The following NCCRP1 variants were observed in gnomAD, a reference collection of about 807,000 sequenced individuals.
NCCRP1 encodes the protein NCCRP1, F-box associated domain containing, also known as F-box only protein 50.
A neutral mutation model predicts 34.4 loss-of-function variants in NCCRP1; 32 were observed. The observed-to-expected ratio is 0.93, with a 90% CI of 0.70 to 1.25. The LOEUF (loss-of-function observed/expected upper bound fraction) is 1.25, where lower values mean the gene tolerates loss of function less well. NCCRP1 is among the 50% of genes most tolerant of loss of function. The pLI is 0.00. For missense variants in NCCRP1, 372 were observed against 391.8 expected (o/e 0.95, Z 0.43); for synonymous variants, 172 against 180.1 (o/e 0.95, Z 0.36).
rs1011855765 is a variant in NCCRP1 at position 39,200,560 on chromosome 19, A to T, written c.688-56A>T. ...CAAGACCTCACAGAGGGAGGAGAAC[A>T]GGTCCGCGGGTCCTCAAAAAGGGCT... On this transcript the variant is annotated intron_variant, in intron 5 of 5. Transcript: ENST00000339852. The surrounding 1 kb of genome is among the most constrained non-coding windows in gnomAD (Gnocchi z 5.8). 8 of 1,610,760 alleles carry T rather than the reference A, an allele frequency of 5.0e-6. No individual in the cohort carries two copies. Among genetic ancestry groups the T allele is most frequent in the South Asian group, 1.1e-5 (1 of 90,656 alleles).
Position 39,200,379 on chromosome 19 carries a change from T to C in NCCRP1, c.582T>C (p.Tyr194=), listed in dbSNP as rs1359954959. 6.2e-7 allele frequency: 1 copy of C among 1,613,720 alleles called. No individual in the cohort carries two copies. Among genetic ancestry groups the C allele is most frequent in the South Asian group, 1.1e-5 (1 of 91,080 alleles). The part of the protein sequence containing the change: ...FEDSRLDACV[Y]ELHVWLLAAD... ...ACAGCCGGCTGGATGCGTGCGTCTA[T>C]GAGCTGCATGTCTGGCTGCTGGCGG... Residue 194 remains tyrosine, a synonymous_variant, in exon 5 of 6, where the codon TAT becomes TAC. Transcript: ENST00000339852. This position sits in a 1 kb window ranked among gnomAD's most constrained non-coding sequence, Gnocchi z 5.8.
rs1166939298 is a variant in NCCRP1, at chr19:39,197,007, G to A, written c.25G>A (p.Ala9Thr). MEEVREGH[A>T]LGGGMEADGP... ...GATGGAGGAGGTGCGTGAGGGACAC[G>A]CGCTCGGTGGCGGGATGGAAGCCGA... Residue 9 changes from alanine to threonine, a missense_variant, in exon 1 of 6, where the codon GCG (alanine) becomes ACG (threonine). Ala to Thr is a moderately conservative substitution (Grantham distance 58). Coordinates refer to ENST00000339852, the MANE Select transcript of NCCRP1 (RefSeq NM_001001414.2). The A allele has an allele frequency of 2.0e-6, 3 of 1,535,812 alleles. No individual in the cohort carries two copies. The highest frequency in any genetic ancestry group is 2.6e-6 in the Non-Finnish European group (3 of 1,148,062).
intron 1 of NCCRP1, 144 bp downstream of exon 1, chr19:39,197,463 T>A: frequency 1.4e-6 from 1 of 725,346 alleles, no homozygotes; most frequent in Non-Finnish European, 2.0e-6. Context: ...TCTGTCATTG[T>A]GCCTCTCCAT....
chr19:39,199,509 C>CTTTTT (rs150534648), intron 4 of NCCRP1, among the ~76,000 whole-genome samples: 112 of 67,870 alleles, frequency 1.7e-3, no homozygotes, highest in Admixed American at 2.2e-3. Context: ...TTTTTTCTTT[C>CTTTTT]TTTTTTTTTT....
At position 39,199,275 on chromosome 19, in the gene NCCRP1, C is replaced by T. The variant is rs1357190007; in HGVS notation, c.548+10C>T. ...TTACGGTCATGGACTGGTGCGTGCC[C>T]CTCCCCTGCCAGCCTGACCCCGTGA... On this transcript the variant is annotated intron_variant, in intron 4 of 5. Coordinates refer to ENST00000339852, the MANE Select transcript of NCCRP1 (RefSeq NM_001001414.2). 6.2e-7 allele frequency: 1 copy of T among 1,612,258 alleles called. No individual in the cohort carries two copies. Among genetic ancestry groups the T allele is most frequent in the East Asian group, 2.2e-5 (1 of 44,842 alleles).
chr19:39,198,155 G>A (rs2074771032), intron 2 of NCCRP1, 40 bp downstream of exon 2: 1 of 1,614,142 alleles, frequency 6.2e-7, no homozygotes. Context: ...GGTGGGGAGG[G>A]TCCTCCAGCG....
rs1408653058 is a variant in NCCRP1, at chr19:39,201,120, G to A, written c.*364G>A. ...GTGTTGCCAGCACCACCCAGCCCAG[G>A]GCTGTGAACGGAGTGGGTGGCAGCA... On this transcript the variant is annotated 3_prime_UTR_variant, in exon 6 of 6. Transcript: ENST00000339852. 1.8e-5 allele frequency: 4 copies of A among 223,934 alleles called. No individual in the cohort carries two copies. Among genetic ancestry groups the A allele is most frequent in the Middle Eastern group, 1.7e-3 (1 of 598 alleles). The allele number at this position is 223,934 out of a possible 1,614,324, so 13.9% of individuals were successfully genotyped here. A position where few individuals can be genotyped will look rare whatever the true frequency, so the allele number is the denominator to read the frequency against.
Position 39,200,944 on chromosome 19 carries a change from G to T in NCCRP1, c.*188G>T. On this transcript the variant is annotated 3_prime_UTR_variant, in exon 6 of 6. Transcript: ENST00000339852. The surrounding 1 kb of genome is among the most constrained non-coding windows in gnomAD (Gnocchi z 5.8). ...ACTGTCTGAGCCCCATGAGGGCGGAGCCACTCCTTGTAAATTCAGTGCCCG... is the reference window on the plus strand; with the variant it reads ...ACTGTCTGAGCCCCATGAGGGCGGATCCACTCCTTGTAAATTCAGTGCCCG... 3.1e-6 allele frequency: 2 copies of T among 655,372 alleles called. No individual in the cohort carries two copies. Among genetic ancestry groups the T allele is most frequent in the Non-Finnish European group, 5.0e-6 (2 of 397,034 alleles). 40.6% of individuals were successfully genotyped at this position (655,372 alleles called of 1,614,324 possible).
In NCCRP1 at chr19:39,198,225, A is replaced by C. The variant is rs745956399; in HGVS notation, c.424A>C (p.Arg142=). The change falls in exon 3 of 6, where the codon AGA becomes CGA. Residue 142 remains arginine (R), a synonymous_variant. Coordinates refer to ENST00000339852, the MANE Select transcript of NCCRP1 (RefSeq NM_001001414.2). Reference sequence around the variant, plus strand: ...AGGCAATTTCCGTGGCTGGTACATTAGAACTGAAAAGCTCCAGCAGAACCA... The same window carrying C: ...AGGCAATTTCCGTGGCTGGTACATTCGAACTGAAAAGCTCCAGCAGAACCA... ...TLGNFRGWYI[R]TEKLQQNQSW... 1 of 1,614,164 alleles carries C rather than the reference A, an allele frequency of 6.2e-7. No homozygotes were observed. Among genetic ancestry groups the C allele is most frequent in the Non-Finnish European group, 8.5e-7 (1 of 1,180,044 alleles).
In NCCRP1 at chr19:39,197,210, G is replaced by A. The variant is rs770914653; in HGVS notation, c.228G>A (p.Glu76=). 22 of 1,442,870 alleles carry A rather than the reference G, an allele frequency of 1.5e-5. No individual in the cohort carries two copies. The East Asian group carries it at 5.8e-4, about 38-fold the overall frequency. The allele number at this position is 1,442,870 out of a possible 1,614,324, so 89.4% of individuals were successfully genotyped here. The stretch of plus-strand genomic sequence containing the variant: ...ACGCCCGGCAGCTGCTGCTGGAGGA[G>A]TGGGGGCCGCTGAGCGGGGGCCTGG... The part of the protein sequence containing the change: ...EAHARQLLLE[E]WGPLSGGLEL... The change falls in exon 1 of 6, where the codon GAG becomes GAA. Residue 76 remains glutamate, a synonymous_variant. Coordinates refer to ENST00000339852, the MANE Select transcript of NCCRP1 (RefSeq NM_001001414.2).
rs773821886 is a variant in NCCRP1 at position 39,198,085 on chromosome 19, G to A, written c.370G>A (p.Gly124Ser). ...CATTTATGAGCCAGCACCCCCTACT[G>A]GTCCCACCCAGCGACCCCTGGAAAC... is the stretch of plus-strand genomic sequence containing the variant. Reference protein sequence around the residue: ...INIYEPAPPTGPTQRPLETLG... With the variant: ...INIYEPAPPTSPTQRPLETLG... The change falls in exon 2 of 6, where the codon GGT becomes AGT. Residue 124 changes from glycine to serine, a missense_variant. Coordinates refer to ENST00000339852, the MANE Select transcript of NCCRP1 (RefSeq NM_001001414.2). 1.2e-6 allele frequency: 2 copies of A among 1,614,108 alleles called. No homozygotes were observed. Among genetic ancestry groups the A allele is most frequent in the Admixed American group, 1.7e-5 (1 of 59,996 alleles).
Position 39,200,549 on chromosome 19 carries a change from GGGA to G in NCCRP1, c.688-62_688-60del. 1.9e-6 allele frequency: 3 copies of G among 1,610,476 alleles called. No homozygotes were observed. The highest frequency in any genetic ancestry group is 2.5e-6 in the Non-Finnish European group (3 of 1,178,198). The stretch of plus-strand genomic sequence containing the variant: ...TGTTCTTGTCCCAAGACCTCACAGA[GGGA>G]GGAGAACAGGTCCGCGGGTCCTCAA... On this transcript the variant is annotated intron_variant, in intron 5 of 5. Coordinates refer to ENST00000339852, the MANE Select transcript of NCCRP1 (RefSeq NM_001001414.2). This position sits in a 1 kb window ranked among gnomAD's most constrained non-coding sequence, Gnocchi z 5.8.
At position 39,200,474 on chromosome 19, in the gene NCCRP1, G is replaced by T. The variant is rs201299839; in HGVS notation, c.677G>T (p.Arg226Leu). Residue 226 changes from arginine to leucine, a missense_variant, in exon 5 of 6, where the codon CGC becomes CTC. Coordinates refer to ENST00000339852, the MANE Select transcript of NCCRP1 (RefSeq NM_001001414.2). This position sits in a 1 kb window ranked among gnomAD's most constrained non-coding sequence, Gnocchi z 5.8. The stretch of plus-strand genomic sequence containing the variant: ...ACTTCTGGGAGAGGACCCCCTGGCC[G>T]CTGGGTCCAGGTGAGACTCTCCGCG... ...PRTSGRGPPG[R>L]WVQVSHVFRH... 4.3e-6 allele frequency: 7 copies of T among 1,613,202 alleles called. No homozygotes were observed. Among genetic ancestry groups the T allele is most frequent in the Non-Finnish European group, 5.9e-6 (7 of 1,180,000 alleles).
chr19:39,198,016 G>C (rs1254458941), intron 1 of NCCRP1, 37 bp from the exon 2 acceptor site: 1 of 1,608,558 alleles, frequency 6.2e-7, no homozygotes, highest in African/African-American at 1.3e-5. Flanking sequence ...GAAGATGGAG[G>C]GGCTGCCCAG....
intron 3 of NCCRP1, 109 bp from the exon 4 acceptor site, chr19:39,199,061 C>T: frequency 1.0e-6 from 1 of 970,136 alleles, no homozygotes; most frequent in Non-Finnish European, 1.6e-6. Flanking sequence ...AGGGAGCACC[C>T]CACGTGTGGG....
chr19:39,200,968 C>T lies in NCCRP1; in HGVS notation c.*212C>T, dbSNP rs1246717101. On this transcript the variant is annotated 3_prime_UTR_variant, in exon 6 of 6. Transcript: ENST00000339852. The surrounding 1 kb of genome is among the most constrained non-coding windows in gnomAD (Gnocchi z 5.8). ...AGCCACTCCTTGTAAATTCAGTGCC[C>T]GACAGATGCTCTGGCACAGATGCTT... 8 of 570,326 alleles carry T rather than the reference C, an allele frequency of 1.4e-5. No homozygotes were observed. The highest frequency in any genetic ancestry group is 6.7e-5 in the Admixed American group (2 of 29,666). 35.3% of individuals were successfully genotyped at this position (570,326 alleles called of 1,614,324 possible). A position where few individuals can be genotyped will look rare whatever the true frequency, so the allele number is the denominator to read the frequency against.
Position 39,199,355 on chromosome 19 carries a change from C to A in NCCRP1, c.548+90C>A, listed in dbSNP as rs373886415. The A allele has an allele frequency of 2.5e-6, 3 of 1,201,128 alleles. No individual in the cohort carries two copies. In the African/African-American group the frequency reaches 4.5e-5, roughly 18 times the overall value. The allele number at this position is 1,201,128 out of a possible 1,614,324, so 74.4% of individuals were successfully genotyped here. The stretch of plus-strand genomic sequence containing the variant: ...TACTCTGAGCTCCCCTTGCTTTCAG[C>A]CCTTCACCAAGACCCTCCTGGTGCT... On this transcript the variant is annotated intron_variant, in intron 4 of 5. Coordinates refer to ENST00000339852, the MANE Select transcript of NCCRP1 (RefSeq NM_001001414.2).
In NCCRP1 at chr19:39,197,235, G is replaced by C. The variant is rs1013503239; in HGVS notation, c.253G>C (p.Glu85Gln). ...GTGGGGGCCGCTGAGCGGGGGCCTG[G>C]AGCTGCCCCAGCGCCTCACCTGGAA... is the stretch of plus-strand genomic sequence containing the variant. ...EEWGPLSGGL[E>Q]LPQRLTWKLL... The change falls in exon 1 of 6, where the codon GAG becomes CAG. Residue 85 changes from glutamate (E) to glutamine (Q), a missense_variant. By Grantham distance (29) the Glu-to-Gln change is conservative (BLOSUM62 2). Coordinates refer to ENST00000339852, the MANE Select transcript of NCCRP1 (RefSeq NM_001001414.2). 120 of 1,477,148 alleles carry C rather than the reference G, an allele frequency of 8.1e-5. No individual in the cohort carries two copies. The highest frequency in any genetic ancestry group is 1.0e-4 in the Non-Finnish European group (118 of 1,124,242). 91.5% of individuals were successfully genotyped at this position (1,477,148 alleles called of 1,614,324 possible). A position where few individuals can be genotyped will look rare whatever the true frequency, so the allele number is the denominator to read the frequency against.
Position 39,197,065 on chromosome 19 carries a change from C to T in NCCRP1, c.83C>T (p.Ser28Leu). Residue 28 changes from serine to leucine, a missense_variant, in exon 1 of 6, where the codon TCG (serine) becomes TTG (leucine). By Grantham distance (145) the Ser-to-Leu change is moderately radical (BLOSUM62 -2). Transcript: ENST00000339852. Reference sequence around the variant, plus strand: ...GCGAGCCTCCAGGAGCTGCCTCCCTCGCCACGGTCGCCTTCACCGCCGCCG... The same window carrying T: ...GCGAGCCTCCAGGAGCTGCCTCCCTTGCCACGGTCGCCTTCACCGCCGCCG... ...GPASLQELPP[S>L]PRSPSPPPSP... 6.5e-7 allele frequency: 1 copy of T among 1,530,678 alleles called. No homozygotes were observed. Among genetic ancestry groups the T allele is most frequent in the Non-Finnish European group, 8.7e-7 (1 of 1,145,192 alleles). The allele number at this position is 1,530,678 out of a possible 1,614,324, so 94.8% of individuals were successfully genotyped here. A position where few individuals can be genotyped will look rare whatever the true frequency, so the allele number is the denominator to read the frequency against.
Sources: allele counts gnomAD v4.1 joint callset (sites outside exome capture counted in the v4.1 genomes callset), GRCh38; gene constraint gnomAD v4.1.1; non-coding constraint Gnocchi (gnomAD v3.1); transcripts MANE v1.5; gene names NCBI Gene and HGNC (gene_info 2026-07-23, HGNC 2026-07-21).